Variants in INSC observed in about 807,000 individuals in gnomAD.
INSC encodes protein inscuteable homolog.
INSC carries 67 observed loss-of-function variants against 58.6 expected under a neutral mutation model. That is an observed-to-expected ratio of 1.14 (90% confidence interval 0.94 to 1.40). The LOEUF is 1.40. Among genes scored for constraint, INSC ranks in the 40% most tolerant of loss-of-function variants. The pLI is 0.00. For missense variants in INSC, 714 were observed against 692.0 expected (o/e 1.03, Z -0.36); for synonymous variants, 262 against 276.1 (o/e 0.95, Z 0.51).
chr11:15,262,942 A>G, the INSC span, among the ~76,000 whole-genome samples: 1 of 152,170 alleles, frequency 6.6e-6, no homozygotes, highest in African/African-American at 2.4e-5. Flanking sequence ...CAGAATATGA[A>G]TAAGAATATT....
intron 12 of INSC, among the ~76,000 whole-genome samples, chr11:15,245,442 G>A (rs1414138745): frequency 6.6e-6 from 1 of 152,104 alleles, no homozygotes; most frequent in East Asian, 1.9e-4. Context: ...TATTCTGCCA[G>A]CACCTCTCTT....
At chr11:15,154,470 G>C (rs535708348) in intron 2 of INSC, among the ~76,000 whole-genome samples, 2 of 152,274 alleles carry the variant, frequency 1.3e-5, no homozygotes, top group East Asian at 3.9e-4. Flanking sequence ...AGATTTAATT[G>C]GTTGAAGGAG....
chr11:15,168,013 C>A (rs899941725), intron 2 of INSC, among the ~76,000 whole-genome samples: 20 of 152,150 alleles, frequency 1.3e-4, no homozygotes, highest in Non-Finnish European at 2.9e-5. Flanking sequence ...TCTTCCTTTG[C>A]CCATAGCAGC....
At chr11:15,129,434 G>A (rs183930457) in intron 1 of INSC, among the ~76,000 whole-genome samples, 10 of 152,266 alleles carry the variant, frequency 6.6e-5, no homozygotes, top group Admixed American at 6.5e-4. Flanking sequence ...ATCCTATAGG[G>A]AATTGATTGG....
At chr11:15,257,780 G>A in the INSC span, among the ~76,000 whole-genome samples, 1 of 152,150 alleles carries the variant, frequency 6.6e-6, no homozygotes, top group Non-Finnish European at 1.5e-5. Context: ...AGAAGCTAGA[G>A]AGAGGCCTGG....
downstream of INSC, among the ~76,000 whole-genome samples, chr11:15,250,147 G>T (rs2133994385): frequency 6.6e-6 from 1 of 152,298 alleles, no homozygotes; most frequent in African/African-American, 2.4e-5. Context: ...AGATTCTTTA[G>T]GATAGCTAGG....
At chr11:15,249,708 C>T (rs536276004), downstream of INSC, among the ~76,000 whole-genome samples, 202 of 152,246 alleles carry the variant, frequency 1.3e-3, no homozygotes, top group African/African-American at 4.4e-3. Flanking sequence ...GAAGTGTGCT[C>T]CAGGGAAAGG....
chr11:15,113,119 C>CTCTCTTTCTTTCTTTCTT (rs1554899334), upstream of INSC, among the ~76,000 whole-genome samples: 7 of 73,264 alleles, frequency 9.6e-5, no homozygotes, highest in African/African-American at 3.4e-4. Flanking sequence ...TTCTCTCTCT[C>CTCTCTTTCTTTCTTTCTT]TCTTTCTTTC....
At chr11:15,113,166 T>C, upstream of INSC, among the ~76,000 whole-genome samples, 1 of 151,040 alleles carries the variant, frequency 6.6e-6, no homozygotes, top group Admixed American at 6.6e-5. Flanking sequence ...TCTCTCTCTT[T>C]CTTTTTTGAT....
chr11:15,132,015 T>C (rs1390938271), intron 1 of INSC, among the ~76,000 whole-genome samples: 2 of 152,130 alleles, frequency 1.3e-5, no homozygotes, highest in African/African-American at 4.8e-5. Context: ...TTGGATTAAT[T>C]TTTAAAATTT....
At chr11:15,158,860 G>GTATTTTTTTTTTTTTTTTT (rs1554907670) in intron 2 of INSC, among the ~76,000 whole-genome samples, 1 of 109,706 alleles carries the variant, frequency 9.1e-6, no homozygotes, top group African/African-American at 3.5e-5. Flanking sequence ...ATTGTTGGTG[G>GTATTTTTTTTTTTTTTTTT]TTTTTTTTTT....
At chr11:15,255,737 T>TGTGTGTGTGTG in the INSC span, among the ~76,000 whole-genome samples, 1 of 18,170 alleles carries the variant, frequency 5.5e-5, no homozygotes, top group Non-Finnish European at 1.1e-4. Context: ...AGTGTGTGTA[T>TGTGTGTGTGTG]GTGTGTGTGT....
intron 2 of INSC, among the ~76,000 whole-genome samples, chr11:15,149,719 T>G (rs1848590329): frequency 6.6e-6 from 1 of 152,086 alleles, no homozygotes; most frequent in Admixed American, 6.5e-5. Context: ...GGAGAGGGGC[T>G]GGAGAACATC....
At chr11:15,186,054 G>T (rs1410608492) in intron 5 of INSC, among the ~76,000 whole-genome samples, 1 of 152,164 alleles carries the variant, frequency 6.6e-6, no homozygotes, top group East Asian at 1.9e-4. Flanking sequence ...CTACCTGCTG[G>T]GAAGGGTTTC....
At chr11:15,248,933 C>G (rs1475065419), downstream of INSC, among the ~76,000 whole-genome samples, 1 of 152,136 alleles carries the variant, frequency 6.6e-6, no homozygotes, top group Non-Finnish European at 1.5e-5. Context: ...CCTTACCATC[C>G]TAAGAGCAGA....
chr11:15,125,885 G>A (rs1046416977), intron 1 of INSC, among the ~76,000 whole-genome samples: 1 of 152,202 alleles, frequency 6.6e-6, no homozygotes, highest in African/African-American at 2.4e-5. Context: ...CTGGAGGTCA[G>A]AGTAAGCTTC....
intron 6 of INSC, among the ~76,000 whole-genome samples, chr11:15,197,056 C>G (rs1850397824): frequency 6.6e-6 from 1 of 152,240 alleles, no homozygotes; most frequent in Non-Finnish European, 1.5e-5. Context: ...TAATCACCAT[C>G]TCATCTGATT....
intron 2 of INSC, among the ~76,000 whole-genome samples, chr11:15,168,942 T>A (rs1447265231): frequency 6.6e-6 from 1 of 152,118 alleles, no homozygotes; most frequent in Non-Finnish European, 1.5e-5. Flanking sequence ...TCGATAAAAA[T>A]TTCAGAAAAT....
At chr11:15,221,774 C>T (rs1338011689) in intron 8 of INSC, 126 bp downstream of exon 8, 2 of 832,500 alleles carry the variant, frequency 2.4e-6, no homozygotes, top group Non-Finnish European at 3.6e-6. Context: ...CATAGATGAT[C>T]ATATTTGCTG....
Sources: allele counts gnomAD v4.1 joint callset (sites outside exome capture counted in the v4.1 genomes callset), GRCh38; gene constraint gnomAD v4.1.1; transcripts MANE v1.5; gene names NCBI Gene and HGNC (gene_info 2026-07-23, HGNC 2026-07-21).